Variants in COL5A1 observed in about 807,000 individuals in gnomAD.
The protein encoded by COL5A1 is collagen alpha-1(V) chain.
In COL5A1, 16 loss-of-function variants were observed where a neutral mutation model predicts 263.7. The observed-to-expected ratio is 0.06, with a 90% CI of 0.04 to 0.09. The LOEUF is 0.09. Among genes scored for constraint, COL5A1 ranks in the 10% least tolerant of loss-of-function variants. The probability of loss-of-function intolerance (pLI) is 1.00; values close to 1 mark genes in which losing one functional copy is unlikely to be tolerated. For synonymous variants in COL5A1, 1,012 were observed against 1,004.5 expected (o/e 1.01, Z -0.14); for missense variants, 2,036 against 2,540.5 (o/e 0.80, Z 4.27).
chr9:134,718,922 T>C (rs970587506), intron 4 of COL5A1, among the ~76,000 whole-genome samples: 10 of 152,192 alleles, frequency 6.6e-5, no homozygotes, highest in African/African-American at 2.4e-4. Flanking sequence ...AAGGAAAGTC[T>C]CTTTTGCCGA....
chr9:134,735,679 C>G (rs1291312139), intron 9 of COL5A1, among the ~76,000 whole-genome samples: 1 of 152,254 alleles, frequency 6.6e-6, no homozygotes, highest in Admixed American at 6.5e-5. Flanking sequence ...GCTGCTGTCC[C>G]TGGCCCCTTG....
At chr9:134,695,233 C>T (rs540494897) in intron 2 of COL5A1, among the ~76,000 whole-genome samples, 1 of 152,270 alleles carries the variant, frequency 6.6e-6, no homozygotes, top group South Asian at 2.1e-4. Context: ...TGGGTGGAGG[C>T]CACGGCTCTG....
Position 134,765,994 on chromosome 9 carries a change from G to A in COL5A1, c.2088+260G>A, listed in dbSNP as rs952175122. Among the ~76,000 whole-genome samples the A allele has an allele frequency of 2.0e-5, 3 of 152,232 alleles. No homozygotes were observed. The highest frequency in any genetic ancestry group is 2.0e-4 in the Admixed American group (3 of 15,288). ...TTCACCCTGGCTGCACTTCCTCCTGGCAGACAGCATGTGCTATTTCAGTTA... is the reference window on the plus strand; with the variant it reads ...TTCACCCTGGCTGCACTTCCTCCTGACAGACAGCATGTGCTATTTCAGTTA... On this transcript the variant is annotated intron_variant, in intron 21 of 65. Transcript: ENST00000371817. The surrounding 1 kb of genome is among the most constrained non-coding windows in gnomAD (Gnocchi z 5.1).
intron 25 of COL5A1, among the ~76,000 whole-genome samples, chr9:134,771,006 C>T (rs1836848785): frequency 6.6e-6 from 1 of 152,238 alleles, no homozygotes; most frequent in South Asian, 2.1e-4. Context: ...CGCCGTGATG[C>T]CGGCCGCTAA....
intron 1 of COL5A1, among the ~76,000 whole-genome samples, chr9:134,650,700 G>A (rs551347222): frequency 1.3e-5 from 2 of 152,384 alleles, no homozygotes; most frequent in African/African-American, 2.4e-5. Flanking sequence ...TGGGATGCAT[G>A]CGCCTGAAGG....
intron 50 of COL5A1, among the ~76,000 whole-genome samples, chr9:134,815,185 A>G (rs527984101): frequency 2.0e-5 from 3 of 152,358 alleles, no homozygotes; most frequent in Admixed American, 2.0e-4. Context: ...GGCTTTGGGA[A>G]GTTGCCCCCG....
At chr9:134,788,179 G>A (rs1837532064) in intron 31 of COL5A1, among the ~76,000 whole-genome samples, 1 of 151,824 alleles carries the variant, frequency 6.6e-6, no homozygotes, top group Admixed American at 6.6e-5. Flanking sequence ...GATGAATGGA[G>A]GGGTGGGTTT....
intron 1 of COL5A1, among the ~76,000 whole-genome samples, chr9:134,658,274 G>A (rs542631854): frequency 2.0e-5 from 3 of 152,236 alleles, no homozygotes; most frequent in South Asian, 2.1e-4. Context: ...CCCGGCCTCC[G>A]CAGCCCATAG....
chr9:134,696,587 C>G lies in COL5A1; in HGVS notation c.278-3322C>G, dbSNP rs1833477395. Among the ~76,000 whole-genome samples, 2 of 152,216 alleles carry G rather than the reference C, an allele frequency of 1.3e-5. No individual in the cohort carries two copies. Among genetic ancestry groups the G allele is most frequent in the African/African-American group, 4.8e-5 (2 of 41,448 alleles). ...GTCCTTTGACTGTGTCACCCCAGCGCCTGGCACCAATCACTGTTTATTAGG... is the reference window on the plus strand; with the variant it reads ...GTCCTTTGACTGTGTCACCCCAGCGGCTGGCACCAATCACTGTTTATTAGG... On this transcript the variant is annotated intron_variant, in intron 2 of 65. Transcript: ENST00000371817. The surrounding 1 kb of genome is among the most constrained non-coding windows in gnomAD (Gnocchi z 4.3).
chr9:134,651,264 G>A (rs1221464738), intron 1 of COL5A1, among the ~76,000 whole-genome samples: 6 of 152,208 alleles, frequency 3.9e-5, no homozygotes, highest in Admixed American at 1.3e-4. Context: ...CATAAAAACA[G>A]TGTGGCGATT....
chr9:134,790,591 T>TCC (rs1837653418), intron 32 of COL5A1, among the ~76,000 whole-genome samples: 1 of 36,898 alleles, frequency 2.7e-5, no homozygotes, highest in African/African-American at 1.4e-4. Flanking sequence ...TCCATCCATC[T>TCC]ATCCATCCAC....
chr9:134,676,583 C>A (rs1361667069), intron 1 of COL5A1, among the ~76,000 whole-genome samples: 1 of 79,702 alleles, frequency 1.3e-5, no homozygotes, highest in East Asian at 2.4e-4. Flanking sequence ...GCATTGAGAT[C>A]CTGCAAAATT....
rs987505452 is a variant in COL5A1, at chr9:134,723,631, G to T, written c.655-3635G>T. Among the ~76,000 whole-genome samples the T allele has an allele frequency of 2.0e-5, 3 of 152,204 alleles. 1 individual carries two copies. The highest frequency in any genetic ancestry group is 2.0e-4 in the Admixed American group (3 of 15,284). ...CTTGTGAGTCCTGAGTCCTGCAAGG[G>T]AACGGGTGCTGGCGTGCACCCAGGC... On this transcript the variant is annotated intron_variant, in intron 4 of 65. Coordinates refer to ENST00000371817, the MANE Select transcript of COL5A1 (RefSeq NM_000093.5).
At chr9:134,744,601 AC>A (rs1188321084) in intron 11 of COL5A1, among the ~76,000 whole-genome samples, 1 of 151,548 alleles carries the variant, frequency 6.6e-6, no homozygotes, top group African/African-American at 2.4e-5. Context: ...ATGCACACTC[AC>A]CCACACCTGC....
rs191423351 is a variant in COL5A1 at position 134,801,496 on chromosome 9, G to A, written c.2953-458G>A. ...GAGCTTGTGTGGCTTCGTTACCCTC[G>A]TGAAATTAGTGCAAACGCACGGTGG... On this transcript the variant is annotated intron_variant, in intron 37 of 65. Coordinates refer to ENST00000371817, the MANE Select transcript of COL5A1 (RefSeq NM_000093.5). Among the ~76,000 whole-genome samples the A allele has an allele frequency of 4.3e-4, 66 of 152,344 alleles. No individual in the cohort carries two copies. The East Asian group carries it at 7.9e-3, about 18-fold the overall frequency.
rs529745706 is a variant in COL5A1 at position 134,772,129 on chromosome 9, G to A, written c.2287-661G>A. Among the ~76,000 whole-genome samples the A allele has an allele frequency of 3.3e-5, 5 of 152,130 alleles. No individual in the cohort carries two copies. The South Asian group carries it at 1.0e-3, about 31-fold the overall frequency. The stretch of plus-strand genomic sequence containing the variant: ...TCCCCTCCATCCCCGAGGCCAGGTG[G>A]AGACCCGAGGGTGTGGGTCTCAAAC... On this transcript the variant is annotated intron_variant, in intron 25 of 65. Transcript: ENST00000371817.
chr9:134,709,367 C>T (rs1391613405), intron 4 of COL5A1: 4 of 290,466 alleles, frequency 1.4e-5, no homozygotes, highest in South Asian at 9.7e-5. Flanking sequence ...TGGGCATCTC[C>T]CTGGTGCAGT....
Position 134,730,494 on chromosome 9 carries a change from A to G in COL5A1, c.1164+19A>G, listed in dbSNP as rs1207484470. 3 of 1,613,350 alleles carry G rather than the reference A, an allele frequency of 1.9e-6. No homozygotes were observed. The highest frequency in any genetic ancestry group is 2.5e-6 in the Non-Finnish European group (3 of 1,179,908). ...CTCCAATGTAATTTCTTTCCTTCCC[A>G]TTGGTTTGGTCTGGGGCAGTGGGCC... On this transcript the variant is annotated intron_variant, in intron 7 of 65. Coordinates refer to ENST00000371817, the MANE Select transcript of COL5A1 (RefSeq NM_000093.5).
Position 134,801,908 on chromosome 9 carries a change from C to T in COL5A1, c.2953-46C>T, listed in dbSNP as rs138964558. The T allele has an allele frequency of 1.8e-3, 2,786 of 1,577,592 alleles. 48 individuals are homozygous for T. The African/African-American group carries it at 0.033, about 19-fold the overall frequency. On this transcript the variant is annotated intron_variant, in intron 37 of 65. Coordinates refer to ENST00000371817, the MANE Select transcript of COL5A1 (RefSeq NM_000093.5). Reference sequence around the variant, plus strand: ...CTGAGAACAGTGCAGGGCAGGGTGGCGCAGGCCACTGCAGCACCGTCAGTG... The same window carrying T: ...CTGAGAACAGTGCAGGGCAGGGTGGTGCAGGCCACTGCAGCACCGTCAGTG...
Sources: gnomAD v4.1 joint callset for allele counts (sites outside exome capture counted in the v4.1 genomes callset) on GRCh38, gnomAD v4.1.1 for gene constraint, Gnocchi (gnomAD v3.1) non-coding constraint, MANE v1.5 for transcripts, NCBI Gene and HGNC (gene_info 2026-07-23, HGNC 2026-07-21) for gene names.